Variants in DCN observed in about 807,000 individuals in gnomAD.
DCN encodes bone proteoglycan II.
Under a neutral mutation model 36.5 loss-of-function variants are expected in DCN, and 17 were observed. The observed-to-expected ratio is 0.47, with a 90% confidence interval of 0.32 to 0.70. The LOEUF (loss-of-function observed/expected upper bound fraction) is 0.70, where lower values mean the gene tolerates loss of function less well. Among genes scored for constraint, DCN ranks in the 30% least tolerant of loss-of-function variants. The pLI is 0.04. For synonymous variants in DCN, 163 were observed against 161.4 expected, an observed-to-expected ratio of 1.01 and a Z score of -0.07; for missense variants, 389 against 430.1, an observed-to-expected ratio of 0.90 and a Z score of 0.84.
chr12:91,146,598 G>A (rs1273608270), intron 7 of DCN, among the ~76,000 whole-genome samples: 1 of 151,820 alleles, frequency 6.6e-6, no homozygotes, highest in Non-Finnish European at 1.5e-5. Flanking sequence ...AAGTGATCCG[G>A]CCACCTCAGC....
intron 1 of DCN, among the ~76,000 whole-genome samples, chr12:91,178,829 T>C (rs924977231): frequency 6.6e-6 from 1 of 152,170 alleles, no homozygotes; most frequent in Non-Finnish European, 1.5e-5. Flanking sequence ...GTTTGAATTT[T>C]GGGTCTAAAC....
chr12:91,158,635 G>A, intron 3 of DCN, 126 bp from the exon 4 acceptor site: 6 of 689,546 alleles, frequency 8.7e-6, no homozygotes, highest in Admixed American at 7.1e-5. Flanking sequence ...CAAGAAATCA[G>A]AAAAAAATTA....
intron 2 of DCN, chr12:91,172,124 A>G (rs570742974): frequency 6.6e-6 from 1 of 151,826 alleles, no homozygotes; most frequent in South Asian, 2.1e-4. Flanking sequence ...TCATTTCTGA[A>G]TAAAGACTAG....
intron 2 of DCN, among the ~76,000 whole-genome samples, chr12:91,173,969 A>T (rs1883136276): frequency 6.6e-6 from 1 of 152,230 alleles, no homozygotes; most frequent in African/African-American, 2.4e-5. Flanking sequence ...ATTTTTAAAA[A>T]TTAAAACATT....
Position 91,168,711 on chromosome 12 carries a change from TATA to T in DCN, c.212-3997_212-3995del, listed in dbSNP as rs1218940973. On this transcript the variant is annotated intron_variant, in intron 2 of 7. Coordinates refer to ENST00000052754, the MANE Select transcript of DCN (RefSeq NM_001920.5). The stretch of plus-strand genomic sequence containing the variant: ...TCAGAAGTATTAGGATACAACTGGT[TATA>T]ATAATTATATTTTTTCCTGTTTCCA... 2.0e-5 allele frequency among the ~76,000 whole-genome samples: 3 copies of T among 152,228 alleles called. No individual in the cohort carries two copies. The East Asian group carries it at 5.8e-4, about 29-fold the overall frequency.
intron 2 of DCN, chr12:91,175,190 T>A (rs926251120): frequency 1.2e-4 from 18 of 152,246 alleles, no homozygotes; most frequent in Non-Finnish European, 2.6e-4. Context: ...AACTGGTTTA[T>A]TTCTTAACAT....
intron 2 of DCN, among the ~76,000 whole-genome samples, chr12:91,170,527 A>G (rs1882894880): frequency 6.6e-6 from 1 of 152,182 alleles, no homozygotes; most frequent in African/African-American, 2.4e-5. Context: ...ATAAGCCTTC[A>G]GTTTAGGAAG....
intron 7 of DCN, among the ~76,000 whole-genome samples, chr12:91,147,590 C>G (rs1432144103): frequency 6.6e-6 from 1 of 152,076 alleles, no homozygotes; most frequent in Non-Finnish European, 1.5e-5. Flanking sequence ...ATCAGGTCTA[C>G]ATGACTATAT....
At chr12:91,168,605 G>T (rs1882735467) in intron 2 of DCN, among the ~76,000 whole-genome samples, 1 of 152,180 alleles carries the variant, frequency 6.6e-6, no homozygotes, top group Non-Finnish European at 1.5e-5. Flanking sequence ...AAGTTTATGA[G>T]TATGGCTTTG....
Position 91,143,810 on chromosome 12 carries a change from A to G in DCN, c.*2248T>C, listed in dbSNP as rs1880854449. On this transcript the variant is annotated 3_prime_UTR_variant, in exon 8 of 8. Coordinates refer to ENST00000052754, the MANE Select transcript of DCN (RefSeq NM_001920.5). ...AAGATACATATATATGTATATATGC[A>G]AAAAGATATATATATAAATATATAT... 6.7e-6 allele frequency: 1 copy of G among 148,486 alleles called. No homozygotes were observed. Among genetic ancestry groups the G allele is most frequent in the Admixed American group, 6.8e-5 (1 of 14,786 alleles). 9.2% of individuals were successfully genotyped at this position (148,486 alleles called of 1,614,324 possible).
intron 1 of DCN, chr12:91,181,021 C>T (rs1868373349): frequency 6.6e-6 from 1 of 152,106 alleles, no homozygotes; most frequent in South Asian, 2.1e-4. Context: ...TGTTTGTTTA[C>T]TCCTGTTAAA....
intron 5 of DCN, among the ~76,000 whole-genome samples, chr12:91,154,246 T>A (rs1486871485): frequency 1.3e-5 from 2 of 152,132 alleles, no homozygotes; most frequent in Non-Finnish European, 2.9e-5. Flanking sequence ...TGGTAGCATA[T>A]TTTGTGTTAG....
rs1357369669 is a variant in DCN, at chr12:91,141,424, A to G, written c.*4634T>C. ...CTCCTGATAAGTCCTTTTTCCGACC[A>G]TCCTATATAAAATAGCAAGTCTCAC... is the stretch of plus-strand genomic sequence containing the variant. On this transcript the variant is annotated 3_prime_UTR_variant, in exon 8 of 8. Coordinates refer to ENST00000052754, the MANE Select transcript of DCN (RefSeq NM_001920.5). 6.6e-6 allele frequency: 1 copy of G among 152,032 alleles called. No homozygotes were observed. Among genetic ancestry groups the G allele is most frequent in the East Asian group, 1.9e-4 (1 of 5,164 alleles). 9.4% of individuals were successfully genotyped at this position (152,032 alleles called of 1,614,324 possible).
intron 2 of DCN, 122 bp from the exon 3 acceptor site, chr12:91,164,839 TTTC>T (rs987932333): frequency 1.3e-5 from 9 of 669,892 alleles, no homozygotes; most frequent in Non-Finnish European, 2.2e-5. Flanking sequence ...ACAACATATT[TTTC>T]TTCTTCTAAG....
intron 2 of DCN, among the ~76,000 whole-genome samples, chr12:91,170,430 T>C (rs1882888441): frequency 6.6e-6 from 1 of 152,212 alleles, no homozygotes; most frequent in Admixed American, 6.5e-5. Context: ...GTCTTGACAG[T>C]TATTTCCTGG....
At position 91,157,133 on chromosome 12, in the gene DCN, T is replaced by C; in HGVS notation, c.594A>G (p.Gly198=). 2 of 1,613,980 alleles carry C rather than the reference T, an allele frequency of 1.2e-6. No individual in the cohort carries two copies. The change falls in exon 5 of 8, where the codon GGA becomes GGG. Residue 198 remains glycine (G), a synonymous_variant. Transcript: ENST00000052754. ...SSGIENGAFQ[G]MKKLSYIRIA... ...TGCGGATGTAGGAGAGCTTCTTCAT[T>C]CCCTGGAAAGCCCCATTTTCAATTC...
At chr12:91,181,152 G>C (rs1868382129) in intron 1 of DCN, among the ~76,000 whole-genome samples, 1 of 117,088 alleles carries the variant, frequency 8.5e-6, no homozygotes, top group Non-Finnish European at 1.7e-5. Context: ...GTGTGTGTGA[G>C]AGAGAGAGAA....
rs1458221575 is a variant in DCN at position 91,145,248 on chromosome 12, T to C, written c.*810A>G. Reference sequence around the variant, plus strand: ...GTAATTGTAGAAATGTTCAGCCTGATTACATGAAGTCACATGATAGTTTTA... The same window carrying C: ...GTAATTGTAGAAATGTTCAGCCTGACTACATGAAGTCACATGATAGTTTTA... On this transcript the variant is annotated 3_prime_UTR_variant, in exon 8 of 8. Transcript: ENST00000052754. The C allele has an allele frequency of 6.6e-6, 1 of 152,226 alleles. No individual in the cohort carries two copies. The highest frequency in any genetic ancestry group is 2.4e-5 in the African/African-American group (1 of 41,470). 9.4% of individuals were successfully genotyped at this position (152,226 alleles called of 1,614,324 possible).
In DCN at chr12:91,151,725, T is replaced by C. The variant is rs1881438189; in HGVS notation, c.814A>G (p.Arg272Gly). The C allele has an allele frequency of 6.2e-7, 1 of 1,614,040 alleles. No homozygotes were observed. Among genetic ancestry groups the C allele is most frequent in the Non-Finnish European group, 8.5e-7 (1 of 1,179,962 alleles). ...NGSLANTPHL[R>G]ELHLDNNKLT... ...TTGTTGTTGTCCAAGTGAAGCTCCCTCAGATGAGGCGTGTTGGCCAGAGAG... is the reference window on the plus strand; with the variant it reads ...TTGTTGTTGTCCAAGTGAAGCTCCCCCAGATGAGGCGTGTTGGCCAGAGAG... Residue 272 changes from arginine (R) to glycine (G), a missense_variant, in exon 7 of 8, where the codon AGG becomes GGG. By Grantham distance (125) the Arg-to-Gly change is moderately radical. Transcript: ENST00000052754.
Sources: allele counts gnomAD v4.1 joint callset (sites outside exome capture counted in the v4.1 genomes callset), GRCh38; gene constraint gnomAD v4.1.1; transcripts MANE v1.5; gene names NCBI Gene and HGNC (gene_info 2026-07-23, HGNC 2026-07-21).